CSMD1: variants seen among roughly 807,000 people sequenced by gnomAD.
CSMD1 encodes the protein CUB and Sushi multiple domains 1.
CSMD1 carries 213 observed loss-of-function variants against 417.5 expected under a neutral mutation model. The ratio of observed to expected loss-of-function variants is 0.51; its 90% CI spans 0.46 to 0.57. The LOEUF (loss-of-function observed/expected upper bound fraction) is 0.57. Among genes scored for constraint, CSMD1 ranks in the 20% least tolerant of loss-of-function variants. CSMD1 has a pLI of 0.00. For synonymous variants in CSMD1, 2,862 were observed against 1,736.8 expected, an observed-to-expected ratio of 1.65 and a Z score of -16.11; for missense variants, 6,923 against 4,529.7, an observed-to-expected ratio of 1.53 and a Z score of -15.17.
In CSMD1 at chr8:4,382,907, G is replaced by C. The variant is rs192432608; in HGVS notation, c.415+37046C>G. ...TAAATAAATTGTTCAAGAATACCTA[G>C]TTAATAAGTGGGAAGGTGTACATTC... On this transcript the variant is annotated intron_variant, in intron 3 of 69. Transcript: ENST00000635120. Among the ~76,000 whole-genome samples, 1,115 of 152,264 alleles carry C rather than the reference G, an allele frequency of 7.3e-3. 6 individuals are homozygous for C. Among genetic ancestry groups the C allele is most frequent in the Non-Finnish European group, 0.012 (835 of 68,026 alleles).
At chr8:4,188,581 C>T (rs1409167942) in intron 3 of CSMD1, among the ~76,000 whole-genome samples, 3 of 152,142 alleles carry the variant, frequency 2.0e-5, no homozygotes, top group East Asian at 1.9e-4. Flanking sequence ...TCAACTGACG[C>T]GCCCTACAGT....
intron 5 of CSMD1, among the ~76,000 whole-genome samples, chr8:3,837,831 G>A (rs980499683): frequency 3.3e-5 from 5 of 152,040 alleles, no homozygotes; most frequent in Admixed American, 6.6e-5. Context: ...CTCTATAGTC[G>A]CAGGAAATTC....
chr8:4,867,526 T>C (rs117465169), intron 1 of CSMD1, among the ~76,000 whole-genome samples: 2,570 of 152,214 alleles, frequency 0.017, 32 homozygotes, highest in Non-Finnish European at 0.026. Context: ...TAATTTTTTT[T>C]ACCTTTGAGT....
chr8:3,512,115 C>G (rs1797099269), intron 10 of CSMD1, among the ~76,000 whole-genome samples: 1 of 152,168 alleles, frequency 6.6e-6, no homozygotes, highest in Non-Finnish European at 1.5e-5. Flanking sequence ...TCTCATCCTG[C>G]CTGGACTGTG....
chr8:3,115,194 TCCC>T (rs5888947), intron 42 of CSMD1, among the ~76,000 whole-genome samples: 152 of 109,122 alleles, frequency 1.4e-3, no homozygotes, highest in South Asian at 0.013. Context: ...ACAATTACAA[TCCC>T]CCCCCCCCCT....
At chr8:3,456,572 C>G (rs923031110) in intron 12 of CSMD1, among the ~76,000 whole-genome samples, 1 of 152,156 alleles carries the variant, frequency 6.6e-6, no homozygotes, top group Non-Finnish European at 1.5e-5. Flanking sequence ...TGCATTACTT[C>G]CTACTATGCC....
chr8:3,628,121 G>C (rs1255044912), intron 7 of CSMD1, among the ~76,000 whole-genome samples: 1 of 152,138 alleles, frequency 6.6e-6, no homozygotes, highest in Non-Finnish European at 1.5e-5. Flanking sequence ...CAGTGTTGCA[G>C]GATATACTGT....
At chr8:4,430,212 GC>G (rs1797794543) in intron 2 of CSMD1, among the ~76,000 whole-genome samples, 1 of 152,096 alleles carries the variant, frequency 6.6e-6, no homozygotes, top group African/African-American at 2.4e-5. Context: ...CAGGAGTTAG[GC>G]CCCAGCTTTC....
At chr8:4,682,367 T>C (rs544986273) in intron 1 of CSMD1, among the ~76,000 whole-genome samples, 1 of 152,204 alleles carries the variant, frequency 6.6e-6, no homozygotes, top group Non-Finnish European at 1.5e-5. Context: ...GAATGCTGTA[T>C]TTAAATTACT....
At position 3,140,791 on chromosome 8, in the gene CSMD1, G is replaced by A. The variant is rs142732657; in HGVS notation, c.6241+1674C>T. 9.9e-4 allele frequency among the ~76,000 whole-genome samples: 151 copies of A among 151,862 alleles called. 1 individual carries two copies. Among genetic ancestry groups the A allele is most frequent in the African/African-American group, 3.4e-3 (141 of 41,394 alleles). ...CCTCATTTGATCTAGCAATATTCAA[G>A]GAAAGGCCATACAAATTATTTTGCA... On this transcript the variant is annotated intron_variant, in intron 41 of 69. Coordinates refer to ENST00000635120, the MANE Select transcript of CSMD1 (RefSeq NM_033225.6).
chr8:3,872,277 C>G (rs1256513481), intron 5 of CSMD1, among the ~76,000 whole-genome samples: 1 of 152,114 alleles, frequency 6.6e-6, no homozygotes, highest in East Asian at 1.9e-4. Flanking sequence ...CTGAACGTGT[C>G]AGGTTTGGGG....
At chr8:3,455,159 C>A (rs190071993) in intron 12 of CSMD1, among the ~76,000 whole-genome samples, 1 of 152,260 alleles carries the variant, frequency 6.6e-6, no homozygotes, top group East Asian at 1.9e-4. Context: ...GTTTTCAGTT[C>A]CATTAGGTCC....
chr8:3,988,520 A>T (rs1407102002), intron 5 of CSMD1, among the ~76,000 whole-genome samples: 1 of 152,224 alleles, frequency 6.6e-6, no homozygotes, highest in Non-Finnish European at 1.5e-5. Context: ...AACGATTGTC[A>T]GAAACAGAGA....
intron 11 of CSMD1, among the ~76,000 whole-genome samples, chr8:3,470,650 C>T (rs555504292): frequency 2.4e-4 from 37 of 152,238 alleles, no homozygotes; most frequent in African/African-American, 8.2e-4. Context: ...TGGTGCTCTT[C>T]CCTTAAAATC....
chr8:3,585,060 C>G (rs1342288516), intron 9 of CSMD1, among the ~76,000 whole-genome samples: 1 of 152,142 alleles, frequency 6.6e-6, no homozygotes, highest in Admixed American at 6.5e-5. Flanking sequence ...TCAGCTGGGC[C>G]ATACACCCTC....
At chr8:3,150,292 G>C (rs193171117) in intron 40 of CSMD1, among the ~76,000 whole-genome samples, 4 of 152,318 alleles carry the variant, frequency 2.6e-5, no homozygotes, top group African/African-American at 9.6e-5. Context: ...ATCACTGGGA[G>C]GTGACGGACT....
chr8:4,428,700 T>G lies in CSMD1; in HGVS notation c.303-8635A>C, dbSNP rs117168199. 3.8e-3 allele frequency among the ~76,000 whole-genome samples: 575 copies of G among 152,242 alleles called. 19 individuals carry two copies. In the East Asian group the frequency reaches 0.08, roughly 21 times the overall value. On this transcript the variant is annotated intron_variant, in intron 2 of 69. Coordinates refer to ENST00000635120, the MANE Select transcript of CSMD1 (RefSeq NM_033225.6). ...CATATTAATAATCCAGGGTTCATTT[T>G]AAATTTGGTTATTTTGTGTATTATT...
intron 3 of CSMD1, among the ~76,000 whole-genome samples, chr8:4,364,132 C>G (rs1460032662): frequency 6.6e-6 from 1 of 152,110 alleles, no homozygotes; most frequent in Non-Finnish European, 1.5e-5. Context: ...CATTGCATGC[C>G]TGTATCAAAA....
intron 7 of CSMD1, among the ~76,000 whole-genome samples, chr8:3,662,192 C>T (rs1798455355): frequency 6.6e-6 from 1 of 152,200 alleles, no homozygotes; most frequent in African/African-American, 2.4e-5. Context: ...ACATACAAAA[C>T]TACCCTTGAA....
Sources: allele counts gnomAD v4.1 joint callset (sites outside exome capture counted in the v4.1 genomes callset), GRCh38; gene constraint gnomAD v4.1.1; transcripts MANE v1.5; gene names NCBI Gene and HGNC (gene_info 2026-07-23, HGNC 2026-07-21).